Variants in ASTN1 observed in about 807,000 individuals in gnomAD.
The protein encoded by ASTN1 is astrotactin-1.
ASTN1 carries 41 observed loss-of-function variants against 140.7 expected under a neutral mutation model. The ratio of observed to expected loss-of-function variants is 0.29; its 90% CI spans 0.23 to 0.38. The LOEUF (loss-of-function observed/expected upper bound fraction) is 0.38, where lower values mean the gene tolerates loss of function less well. Ranked by LOEUF, ASTN1 falls within the 10% of genes least tolerant of loss-of-function variation. ASTN1 has a pLI of 1.00. For missense variants in ASTN1, 1,479 were observed against 1,678.8 expected (o/e 0.88, Z 2.08); for synonymous variants, 640 against 652.2 (o/e 0.98, Z 0.29).
chr1:177,057,193 A>T (rs569078119), intron 2 of ASTN1, among the ~76,000 whole-genome samples: 1 of 151,912 alleles, frequency 6.6e-6, no homozygotes. Context: ...AAATTTTAGG[A>T]TGTGATTGAA....
At chr1:177,071,395 G>A (rs1012854522) in intron 1 of ASTN1, among the ~76,000 whole-genome samples, 1 of 152,184 alleles carries the variant, frequency 6.6e-6, no homozygotes, top group Non-Finnish European at 1.5e-5. Context: ...GCAAATGGAT[G>A]CAATATTAAA....
At chr1:176,992,989 G>T (rs112422133) in intron 8 of ASTN1, among the ~76,000 whole-genome samples, 1 of 152,162 alleles carries the variant, frequency 6.6e-6, no homozygotes, top group Non-Finnish European at 1.5e-5. Flanking sequence ...GCTTCGTTAC[G>T]AGAAGAGGAA....
At chr1:176,991,416 AAAAAAAAAAAAAAAAAAACC>A (rs1475966572) in intron 8 of ASTN1, among the ~76,000 whole-genome samples, 493 of 12,536 alleles carry the variant, frequency 0.039, 8 homozygotes, top group African/African-American at 0.089. Context: ...TCTGTCTCAA[AAAAAAAAAAAAAAAAAAACC>A]AAAAAAAAAA....
At position 177,156,921 on chromosome 1, in the gene ASTN1, C is replaced by T. The variant is rs114649551; in HGVS notation, c.283+7473G>A. On this transcript the variant is annotated intron_variant, in intron 1 of 22. Transcript: ENST00000361833. ...TCCAGTCTAATCATGAGAAAAACATCAGACAAATACCGATTGAGGAACATT... is the reference window on the plus strand; with the variant it reads ...TCCAGTCTAATCATGAGAAAAACATTAGACAAATACCGATTGAGGAACATT... Among the ~76,000 whole-genome samples, 747 of 152,298 alleles carry T rather than the reference C, an allele frequency of 4.9e-3. 6 individuals carry two copies. The highest frequency in any genetic ancestry group is 0.017 in the African/African-American group (716 of 41,562).
chr1:177,025,190 C>G (rs190726197), intron 5 of ASTN1, among the ~76,000 whole-genome samples: 2 of 152,290 alleles, frequency 1.3e-5, no homozygotes, highest in East Asian at 3.9e-4. Context: ...ACTTCCTGAG[C>G]TGGAAGAGCT....
Position 176,894,859 on chromosome 1 carries a change from G to A in ASTN1, c.2672-29C>T, listed in dbSNP as rs762155602. The A allele has an allele frequency of 5.0e-6, 8 of 1,610,286 alleles. No individual in the cohort carries two copies. The Admixed American group carries it at 1.3e-4, about 27-fold the overall frequency. The stretch of plus-strand genomic sequence containing the variant: ...CAGACACAAAATGGAAAGAAACAGT[G>A]AAGGAGTCAAAAAAGTAAGGACTAT... On this transcript the variant is annotated intron_variant, in intron 16 of 22. Transcript: ENST00000361833.
chr1:176,949,160 T>C (rs1209178230), intron 12 of ASTN1, 25 bp downstream of exon 12: 1 of 1,612,568 alleles, frequency 6.2e-7, no homozygotes, highest in Middle Eastern at 1.7e-4. Context: ...GGACGCCAGG[T>C]GGCCTCGCTG....
At chr1:176,955,978 T>C (rs1489144095) in intron 11 of ASTN1, among the ~76,000 whole-genome samples, 3 of 152,184 alleles carry the variant, frequency 2.0e-5, no homozygotes, top group Non-Finnish European at 4.4e-5. Context: ...GCTGAATAGC[T>C]TTTTTTAAAA....
intron 14 of ASTN1, 25 bp from the exon 15 acceptor site, chr1:176,936,395 G>T: frequency 6.4e-7 from 1 of 1,572,806 alleles, no homozygotes. Context: ...GATGTAAGCT[G>T]AGTTCTGATA....
chr1:176,918,100 T>C (rs971320498), intron 16 of ASTN1, among the ~76,000 whole-genome samples: 1 of 152,120 alleles, frequency 6.6e-6, no homozygotes, highest in Non-Finnish European at 1.5e-5. Flanking sequence ...TCACTCCTTT[T>C]GTCATTGCAG....
chr1:177,093,702 T>C (rs977515995), intron 1 of ASTN1, among the ~76,000 whole-genome samples: 5 of 152,072 alleles, frequency 3.3e-5, no homozygotes, highest in Admixed American at 3.3e-4. Context: ...AGGGCCTGGG[T>C]GAGTTGAAAA....
At chr1:177,150,621 T>C (rs1163141179) in intron 1 of ASTN1, among the ~76,000 whole-genome samples, 1 of 152,018 alleles carries the variant, frequency 6.6e-6, no homozygotes, top group Non-Finnish European at 1.5e-5. Flanking sequence ...AAAGAAGAAT[T>C]TGTGGTTCGA....
intron 16 of ASTN1, among the ~76,000 whole-genome samples, chr1:176,916,608 C>A (rs1670495602): frequency 6.6e-6 from 1 of 152,016 alleles, no homozygotes. Context: ...CACCTATTGG[C>A]AGTATTTCCT....
At chr1:177,099,955 G>C (rs1474965021) in intron 1 of ASTN1, among the ~76,000 whole-genome samples, 2 of 152,168 alleles carry the variant, frequency 1.3e-5, no homozygotes, top group Non-Finnish European at 2.9e-5. Flanking sequence ...TTTTAAAGCT[G>C]GATGGGCTCT....
intron 19 of ASTN1, among the ~76,000 whole-genome samples, chr1:176,883,416 G>A (rs1044885431): frequency 2.6e-5 from 4 of 151,994 alleles, no homozygotes; most frequent in African/African-American, 9.7e-5. Context: ...GGATGGTCTC[G>A]AAATCCTGAC....
chr1:177,020,099 G>T (rs1348046317), intron 7 of ASTN1, among the ~76,000 whole-genome samples: 1 of 152,086 alleles, frequency 6.6e-6, no homozygotes, highest in South Asian at 2.1e-4. Flanking sequence ...TGTTGTCCAG[G>T]CTGATCTTGA....
intron 4 of ASTN1, 106 bp downstream of exon 4, chr1:177,030,700 T>C (rs1676385622): frequency 2.0e-6 from 3 of 1,467,578 alleles, no homozygotes; most frequent in South Asian, 1.3e-5. Context: ...TGCCAGGGCA[T>C]ACCCTCTCCA....
chr1:177,132,298 G>A (rs564478555), intron 1 of ASTN1, among the ~76,000 whole-genome samples: 5 of 152,270 alleles, frequency 3.3e-5, no homozygotes, highest in African/African-American at 1.2e-4. Context: ...GAAGATTCAC[G>A]TCTGCCTTTT....
intron 1 of ASTN1, among the ~76,000 whole-genome samples, chr1:177,101,565 G>C (rs1680300547): frequency 6.6e-6 from 1 of 152,146 alleles, no homozygotes; most frequent in Admixed American, 6.6e-5. Context: ...AACTGGAAGG[G>C]GCACAGGGAG....
Sources: gnomAD v4.1 joint callset for allele counts (sites outside exome capture counted in the v4.1 genomes callset) on GRCh38, gnomAD v4.1.1 for gene constraint, MANE v1.5 for transcripts, NCBI Gene and HGNC (gene_info 2026-07-23, HGNC 2026-07-21) for gene names.